Variants in CHST9 observed in about 807,000 individuals in gnomAD.
CHST9 encodes the protein carbohydrate sulfotransferase 9, also known as GalNAc-4-sulfotransferase 2.
CHST9 carries 41 observed loss-of-function variants against 44.4 expected under a neutral mutation model. That is an observed-to-expected ratio of 0.92 (90% CI 0.72 to 1.20). CHST9 has a LOEUF of 1.20. Among genes scored for constraint, CHST9 ranks in the 50% most tolerant of loss-of-function variants. The pLI is 0.00. For synonymous variants in CHST9, 171 were observed against 178.4 expected (o/e 0.96, Z 0.33); for missense variants, 504 against 516.5 (o/e 0.98, Z 0.23).
rs1028232424 is a variant in CHST9 at position 26,972,944 on chromosome 18, C to G, written c.203-28578G>C. Reference sequence around the variant, plus strand: ...CGAGCTTCACCCTCTGGCTTCACCCCCTGGCACCCCGCTCCTCGTTTACTG... The same window carrying G: ...CGAGCTTCACCCTCTGGCTTCACCCGCTGGCACCCCGCTCCTCGTTTACTG... On this transcript the variant is annotated intron_variant, in intron 4 of 5. Coordinates refer to ENST00000618847, the MANE Select transcript of CHST9 (RefSeq NM_031422.6). Among the ~76,000 whole-genome samples the G allele has an allele frequency of 2.0e-5, 3 of 152,196 alleles. No individual in the cohort carries two copies. In the South Asian group the frequency reaches 6.2e-4, roughly 32 times the overall value.
chr18:27,098,256 A>T lies in CHST9; in HGVS notation c.121+44433T>A, dbSNP rs571553017. On this transcript the variant is annotated intron_variant, in intron 2 of 5. Transcript: ENST00000618847. ...AGAAATGCAAATCAAAACCACAATG[A>T]GATACCATCTCACGTCACTTAGAAT... is the stretch of plus-strand genomic sequence containing the variant. Among the ~76,000 whole-genome samples the T allele has an allele frequency of 3.3e-5, 5 of 152,258 alleles. No homozygotes were observed. The East Asian group carries it at 5.8e-4, about 18-fold the overall frequency.
At chr18:27,134,649 G>C (rs1025064627) in intron 2 of CHST9, among the ~76,000 whole-genome samples, 3 of 152,094 alleles carry the variant, frequency 2.0e-5, no homozygotes, top group African/African-American at 7.2e-5. Flanking sequence ...AGCATGGATT[G>C]GTGACAATGA....
At chr18:27,104,932 T>C (rs1258548007) in intron 2 of CHST9, among the ~76,000 whole-genome samples, 2 of 152,124 alleles carry the variant, frequency 1.3e-5, no homozygotes, top group Admixed American at 6.5e-5. Flanking sequence ...AAAGACATAG[T>C]TGTTAAATGA....
intron 2 of CHST9, among the ~76,000 whole-genome samples, chr18:27,124,985 T>C (rs2058407905): frequency 1.3e-5 from 2 of 152,212 alleles, no homozygotes; most frequent in Non-Finnish European, 2.9e-5. Context: ...TACATTGGTT[T>C]ATTGAGTGTA....
intron 1 of CHST9, among the ~76,000 whole-genome samples, chr18:27,143,264 A>G (rs2058583398): frequency 6.6e-6 from 1 of 152,202 alleles, no homozygotes; most frequent in African/African-American, 2.4e-5. Flanking sequence ...CGGGTTTTGA[A>G]AAACATGCTT....
At chr18:26,940,478 T>C (rs569657610) in intron 5 of CHST9, among the ~76,000 whole-genome samples, 5 of 152,338 alleles carry the variant, frequency 3.3e-5, no homozygotes, top group African/African-American at 9.6e-5. Context: ...ACTTAGTTTT[T>C]ATTTCTCAGC....
chr18:27,161,484 T>C (rs2058746435), intron 1 of CHST9, among the ~76,000 whole-genome samples: 2 of 152,204 alleles, frequency 1.3e-5, no homozygotes, highest in Non-Finnish European at 2.9e-5. Context: ...GACAGTTTGT[T>C]ATAATTTCTA....
intron 2 of CHST9, among the ~76,000 whole-genome samples, chr18:27,073,347 G>A (rs1483560700): frequency 1.4e-5 from 2 of 145,094 alleles, no homozygotes; most frequent in East Asian, 2.0e-4. Context: ...TAAGAATGAT[G>A]CCACTGCTGG....
intron 1 of CHST9, among the ~76,000 whole-genome samples, chr18:27,146,645 T>C (rs991984581): frequency 6.6e-6 from 1 of 152,212 alleles, no homozygotes; most frequent in Non-Finnish European, 1.5e-5. Flanking sequence ...TTCTTCTCCC[T>C]TCCCATAAAC....
At chr18:27,070,558 A>G (rs2057827404) in intron 2 of CHST9, among the ~76,000 whole-genome samples, 2 of 152,164 alleles carry the variant, frequency 1.3e-5, no homozygotes, top group Non-Finnish European at 2.9e-5. Context: ...ATGTTTCCAT[A>G]TTTAGTTTAC....
chr18:27,076,075 G>A (rs2057900626), intron 2 of CHST9, among the ~76,000 whole-genome samples: 1 of 152,082 alleles, frequency 6.6e-6, no homozygotes, highest in Non-Finnish European at 1.5e-5. Flanking sequence ...CAAAGCACAT[G>A]GTATCCAGGT....
At chr18:26,947,727 T>C (rs569616629) in intron 4 of CHST9, among the ~76,000 whole-genome samples, 2 of 152,304 alleles carry the variant, frequency 1.3e-5, no homozygotes, top group Non-Finnish European at 2.9e-5. Flanking sequence ...AGAATAGCGA[T>C]CATTAAAAAG....
chr18:27,168,882 C>T (rs2058812203), intron 1 of CHST9, among the ~76,000 whole-genome samples: 1 of 152,160 alleles, frequency 6.6e-6, no homozygotes, highest in African/African-American at 2.4e-5. Flanking sequence ...GTGAGGCTGA[C>T]CTAATCAGTT....
chr18:27,073,563 G>C (rs8088564), intron 2 of CHST9, among the ~76,000 whole-genome samples: 60,838 of 151,746 alleles, frequency 0.4, 12,533 homozygotes, highest in African/African-American at 0.5. Flanking sequence ...TGACCAGAGG[G>C]AAGATGGCAT....
chr18:27,159,083 T>A (rs2058723569), intron 1 of CHST9, among the ~76,000 whole-genome samples: 1 of 152,222 alleles, frequency 6.6e-6, no homozygotes, highest in African/African-American at 2.4e-5. Flanking sequence ...GATGGTAGTT[T>A]CTTTTGCTGT....
At chr18:26,950,568 G>C (rs546164752) in intron 4 of CHST9, among the ~76,000 whole-genome samples, 1 of 152,170 alleles carries the variant, frequency 6.6e-6, no homozygotes, top group African/African-American at 2.4e-5. Flanking sequence ...AATGGCATTT[G>C]CAACAACTTG....
chr18:26,954,967 A>T (rs1213883174), intron 4 of CHST9, among the ~76,000 whole-genome samples: 1 of 152,104 alleles, frequency 6.6e-6, no homozygotes, highest in Non-Finnish European at 1.5e-5. Context: ...ATATATATTG[A>T]TCTCAGTGGG....
intron 4 of CHST9, among the ~76,000 whole-genome samples, chr18:26,972,913 G>T (rs2056569129): frequency 6.6e-6 from 1 of 152,152 alleles, no homozygotes; most frequent in Non-Finnish European, 1.5e-5. Context: ...CGACCCAGAA[G>T]ACGGCCGAGC....
chr18:27,162,658 C>A (rs1267712746), intron 1 of CHST9, among the ~76,000 whole-genome samples: 2 of 152,138 alleles, frequency 1.3e-5, no homozygotes, highest in African/African-American at 4.8e-5. Flanking sequence ...GTTGGCCTGC[C>A]TTGCTAGATC....
Sources: allele counts gnomAD v4.1 joint callset (sites outside exome capture counted in the v4.1 genomes callset), GRCh38; gene constraint gnomAD v4.1.1; transcripts MANE v1.5; gene names NCBI Gene and HGNC (gene_info 2026-07-23, HGNC 2026-07-21).